The following KLRG1 variants were observed in gnomAD, a reference collection of about 807,000 sequenced individuals.
KLRG1 encodes killer cell lectin-like receptor subfamily G member 1.
A neutral mutation model predicts 21.8 loss-of-function variants in KLRG1; 16 were observed. The observed-to-expected ratio is 0.73, with a 90% CI of 0.50 to 1.11. KLRG1 has a LOEUF of 1.11. KLRG1 is among the 50% of genes most tolerant of loss of function. The pLI is 0.00. For synonymous variants in KLRG1, 69 were observed against 75.9 expected (o/e 0.91, Z 0.47); for missense variants, 173 against 218.3 (o/e 0.79, Z 1.31).
At chr12:9,112,427 C>T in the KLRG1 span, 11 of 1,613,928 alleles carry the variant, frequency 6.8e-6, no homozygotes, top group Non-Finnish European at 8.5e-6. Context: ...AAAGACCAGA[C>T]TGTCCTCGTT....
chr12:9,048,322 A>G, the KLRG1 span, among the ~76,000 whole-genome samples: 1 of 152,170 alleles, frequency 6.6e-6, no homozygotes, highest in Non-Finnish European at 1.5e-5. Flanking sequence ...TGAACTAAAT[A>G]AAAATGAAAA....
chr12:9,028,215 G>T, the KLRG1 span: 1 of 550,026 alleles, frequency 1.8e-6, no homozygotes, highest in Non-Finnish European at 3.2e-6. Context: ...GCAATGGTGT[G>T]ATCTCGGCTC....
At chr12:8,955,655 G>A (rs1210779630) in intron 1 of KLRG1, among the ~76,000 whole-genome samples, 4 of 151,858 alleles carry the variant, frequency 2.6e-5, no homozygotes, top group Non-Finnish European at 4.4e-5. Context: ...GCCTCCCGAA[G>A]TGCTGAGATT....
the KLRG1 span, chr12:9,116,113 C>T: frequency 2.3e-6 from 1 of 436,286 alleles, no homozygotes; most frequent in East Asian, 5.0e-5. Flanking sequence ...CATTCCCATT[C>T]CCGTAAGAGC....
At chr12:9,196,534 T>C in the KLRG1 span, 1 of 1,570,436 alleles carries the variant, frequency 6.4e-7, no homozygotes, top group South Asian at 1.1e-5. Flanking sequence ...GAAAGTAAAC[T>C]ATTGTTTTAT....
At chr12:9,062,736 T>A in the KLRG1 span, among the ~76,000 whole-genome samples, 2 of 148,080 alleles carry the variant, frequency 1.4e-5, no homozygotes, top group South Asian at 4.2e-4. Context: ...TTATAGTATA[T>A]TATCATTTAT....
At chr12:9,078,163 T>C in the KLRG1 span, among the ~76,000 whole-genome samples, 2 of 152,168 alleles carry the variant, frequency 1.3e-5, no homozygotes, top group Admixed American at 6.6e-5. Flanking sequence ...CTTGCACCTA[T>C]TGACCCATCC....
At chr12:8,966,017 C>G (rs1946465081) in intron 1 of KLRG1, among the ~76,000 whole-genome samples, 1 of 152,040 alleles carries the variant, frequency 6.6e-6, no homozygotes, top group South Asian at 2.1e-4. Context: ...AGAACAGAGC[C>G]CTCAGAGATA....
At chr12:9,051,655 C>T in the KLRG1 span, among the ~76,000 whole-genome samples, 5 of 152,130 alleles carry the variant, frequency 3.3e-5, no homozygotes, top group African/African-American at 1.2e-4. Flanking sequence ...AAATCAACAC[C>T]CCCAAAAATC....
chr12:9,009,849 T>C lies in KLRG1; in HGVS notation c.*312T>C. The C allele has an allele frequency of 6.8e-7, 1 of 1,462,308 alleles. No individual in the cohort carries two copies. 90.6% of individuals were successfully genotyped at this position (1,462,308 alleles called of 1,614,324 possible). The stretch of plus-strand genomic sequence containing the variant: ...CTCATCCCCGTCCCAACCATCTCTG[T>C]CAAAAATATACCTTTTTCATATGAT... On this transcript the variant is annotated 3_prime_UTR_variant, in exon 5 of 5. Transcript: ENST00000356986.
chr12:9,179,615 C>G, the KLRG1 span, among the ~76,000 whole-genome samples: 10 of 152,026 alleles, frequency 6.6e-5, no homozygotes, highest in Non-Finnish European at 1.3e-4. Context: ...ATAAATAGTT[C>G]GATCTGTTAA....
the KLRG1 span, chr12:9,156,121 C>A: frequency 4.4e-6 from 1 of 228,452 alleles, no homozygotes; most frequent in South Asian, 7.6e-5. Context: ...TGTTTCTGGT[C>A]TCTGTTCTTT....
chr12:9,129,664 CG>C, the KLRG1 span, among the ~76,000 whole-genome samples: 1 of 152,048 alleles, frequency 6.6e-6, no homozygotes, highest in Non-Finnish European at 1.5e-5. Context: ...CTCCGCCTCC[CG>C]GGTTCAGGAG....
chr12:9,199,900 G>A, the KLRG1 span, among the ~76,000 whole-genome samples: 3 of 152,158 alleles, frequency 2.0e-5, no homozygotes, highest in Non-Finnish European at 4.4e-5. Flanking sequence ...GTACTTAGGA[G>A]TCATAATAAC....
chr12:9,211,265 G>A, the KLRG1 span, among the ~76,000 whole-genome samples: 2 of 151,806 alleles, frequency 1.3e-5, no homozygotes, highest in African/African-American at 4.8e-5. Flanking sequence ...GTATTCCATA[G>A]GTCCCTTATA....
At chr12:9,215,545 G>A in the KLRG1 span, among the ~76,000 whole-genome samples, 1 of 151,738 alleles carries the variant, frequency 6.6e-6, no homozygotes, top group Non-Finnish European at 1.5e-5. Context: ...TTACATCTGT[G>A]GGTTGAATTA....
chr12:9,026,234 G>A, the KLRG1 span, among the ~76,000 whole-genome samples: 1 of 152,176 alleles, frequency 6.6e-6, no homozygotes, highest in Non-Finnish European at 1.5e-5. Context: ...GGTCCCTGAA[G>A]TGAGGGACAT....
chr12:9,009,630 A>G lies in KLRG1; in HGVS notation c.*93A>G. 1 of 1,520,756 alleles carries G rather than the reference A, an allele frequency of 6.6e-7. No individual in the cohort carries two copies. The highest frequency in any genetic ancestry group is 8.8e-7 in the Non-Finnish European group (1 of 1,138,820). The allele number at this position is 1,520,756 out of a possible 1,614,324, so 94.2% of individuals were successfully genotyped here. ...GCTGTTGGGAAAGCCATGAGTATAT[A>G]GTTAGCAAATACTGAACTTTCTCAG... On this transcript the variant is annotated 3_prime_UTR_variant, in exon 5 of 5. Coordinates refer to ENST00000356986, the MANE Select transcript of KLRG1 (RefSeq NM_005810.4).
At chr12:9,152,293 G>A in the KLRG1 span, 5 of 1,613,174 alleles carry the variant, frequency 3.1e-6, no homozygotes, top group African/African-American at 1.3e-5. Context: ...ATTGGAAGCA[G>A]GACGGTTTCC....
Sources: gnomAD v4.1 joint callset for allele counts (sites outside exome capture counted in the v4.1 genomes callset) on GRCh38, gnomAD v4.1.1 for gene constraint, MANE v1.5 for transcripts, NCBI Gene and HGNC (gene_info 2026-07-23, HGNC 2026-07-21) for gene names.